The following LRRIQ3 variants were observed in gnomAD, a reference collection of about 807,000 sequenced individuals.
LRRIQ3 encodes the protein leucine-rich repeat and IQ domain-containing protein 3.
In LRRIQ3, 75 loss-of-function variants were observed where a neutral mutation model predicts 59.3. The observed-to-expected ratio is 1.26, with a 90% CI of 1.05 to 1.53. LRRIQ3 has a LOEUF of 1.53. Among genes scored for constraint, LRRIQ3 ranks in the 40% most tolerant of loss-of-function variants. The pLI is 0.00. For missense variants in LRRIQ3, 831 were observed against 710.0 expected, an observed-to-expected ratio of 1.17 and a Z score of -1.94; for synonymous variants, 250 against 231.3, an observed-to-expected ratio of 1.08 and a Z score of -0.73.
At chr1:74,119,401 G>C (rs562744835) in intron 4 of LRRIQ3, among the ~76,000 whole-genome samples, 23 of 151,434 alleles carry the variant, frequency 1.5e-4, no homozygotes, top group African/African-American at 5.6e-4. Flanking sequence ...ATTTTTCTTT[G>C]CTCGACTACT....
intron 6 of LRRIQ3, among the ~76,000 whole-genome samples, chr1:74,064,114 TATA>T (rs1437857586): frequency 6.6e-6 from 1 of 151,876 alleles, no homozygotes; most frequent in Non-Finnish European, 1.5e-5. Context: ...AGATACTATA[TATA>T]ATGTATAATG....
intron 5 of LRRIQ3, among the ~76,000 whole-genome samples, chr1:74,076,216 A>G (rs1646208346): frequency 6.6e-6 from 1 of 152,156 alleles, no homozygotes; most frequent in Non-Finnish European, 1.5e-5. Context: ...GGTAAGAAAC[A>G]CTGATCTGAC....
At chr1:74,069,729 G>T (rs914399725) in intron 6 of LRRIQ3, among the ~76,000 whole-genome samples, 5 of 151,950 alleles carry the variant, frequency 3.3e-5, no homozygotes, top group African/African-American at 4.8e-5. Context: ...CTACAAGTAG[G>T]TGCATGGAGA....
chr1:74,094,495 C>T (rs886295759), intron 5 of LRRIQ3, among the ~76,000 whole-genome samples: 1 of 152,002 alleles, frequency 6.6e-6, no homozygotes, highest in African/African-American at 2.4e-5. Flanking sequence ...AGAAACTAGA[C>T]TAGGCAAGAA....
intron 5 of LRRIQ3, among the ~76,000 whole-genome samples, chr1:74,076,376 A>T (rs976819168): frequency 6.6e-6 from 1 of 152,194 alleles, no homozygotes; most frequent in Non-Finnish European, 1.5e-5. Context: ...CAAAACAACC[A>T]TAAACTGAGC....
At chr1:74,117,516 A>G (rs1395771742) in intron 4 of LRRIQ3, among the ~76,000 whole-genome samples, 1 of 152,234 alleles carries the variant, frequency 6.6e-6, no homozygotes, top group Non-Finnish European at 1.5e-5. Context: ...CTGTAATCCC[A>G]GAACTTTCGG....
intron 5 of LRRIQ3, among the ~76,000 whole-genome samples, chr1:74,099,531 A>G (rs1387792564): frequency 6.6e-6 from 1 of 152,194 alleles, no homozygotes; most frequent in African/African-American, 2.4e-5. Context: ...ATAGAAGAAG[A>G]GGGAATCCTC....
At chr1:74,029,590 C>T (rs190170842) in intron 7 of LRRIQ3, among the ~76,000 whole-genome samples, 6 of 152,110 alleles carry the variant, frequency 3.9e-5, no homozygotes, top group Admixed American at 3.9e-4. Context: ...TACTGCTGGA[C>T]TTGGTATGCC....
intron 5 of LRRIQ3, among the ~76,000 whole-genome samples, chr1:74,095,600 A>T (rs1237408641): frequency 6.6e-6 from 1 of 152,172 alleles, no homozygotes; most frequent in Non-Finnish European, 1.5e-5. Flanking sequence ...TACATTAAGC[A>T]CAGGAATTCT....
At chr1:74,147,866 A>C (rs1647677924) in intron 4 of LRRIQ3, among the ~76,000 whole-genome samples, 1 of 152,222 alleles carries the variant, frequency 6.6e-6, no homozygotes, top group African/African-American at 2.4e-5. Context: ...TATTTCATTA[A>C]ATAGGTTTTC....
chr1:74,132,199 A>ATTGTAGTTTGT (rs1647034369), intron 4 of LRRIQ3, among the ~76,000 whole-genome samples: 2 of 152,082 alleles, frequency 1.3e-5, no homozygotes, highest in African/African-American at 4.8e-5. Flanking sequence ...GAGAACTACA[A>ATTGTAGTTTGT]ACGACTGATC....
intron 3 of LRRIQ3, 128 bp from the exon 4 acceptor site, chr1:74,155,994 T>C (rs141173168): frequency 3.7e-6 from 2 of 543,732 alleles, no homozygotes; most frequent in African/African-American, 2.0e-5. Context: ...ACAGGCATTA[T>C]AGTTAAATTA....
intron 6 of LRRIQ3, among the ~76,000 whole-genome samples, chr1:74,044,286 G>C (rs956277827): frequency 1.1e-4 from 17 of 152,064 alleles, no homozygotes; most frequent in Non-Finnish European, 1.2e-4. Flanking sequence ...CCCAATGTTG[G>C]ATATTGGGCC....
At chr1:74,106,205 T>C (rs981483497) in intron 5 of LRRIQ3, among the ~76,000 whole-genome samples, 3 of 152,026 alleles carry the variant, frequency 2.0e-5, no homozygotes, top group African/African-American at 7.2e-5. Flanking sequence ...TCAAAAAAGA[T>C]AGAAATTCAC....
intron 7 of LRRIQ3, among the ~76,000 whole-genome samples, chr1:74,035,158 T>C (rs1004934416): frequency 6.6e-6 from 1 of 152,094 alleles, no homozygotes; most frequent in Non-Finnish European, 1.5e-5. Context: ...TTTATAGAGA[T>C]ATAAATAATT....
In LRRIQ3 at chr1:74,165,946, A is replaced by G. The variant is rs553355565; in HGVS notation, c.574-10080T>C. ...TTGATCATAGTATATATTTTTATAT[A>G]CTGCTGAATTGTATTCGCTAATATT... is the stretch of plus-strand genomic sequence containing the variant. On this transcript the variant is annotated intron_variant, in intron 3 of 7. Transcript: ENST00000354431. Among the ~76,000 whole-genome samples the G allele has an allele frequency of 4.0e-5, 6 of 151,734 alleles. No homozygotes were observed. The East Asian group carries it at 9.7e-4, about 24-fold the overall frequency.
chr1:74,095,358 A>G (rs1159923301), intron 5 of LRRIQ3, among the ~76,000 whole-genome samples: 1 of 152,146 alleles, frequency 6.6e-6, no homozygotes, highest in Non-Finnish European at 1.5e-5. Context: ...ATTACTCCCA[A>G]TTCTAACTAT....
In LRRIQ3 at chr1:74,092,825, T is replaced by C. The variant is rs1646409535; in HGVS notation, c.867+16569A>G. Reference sequence around the variant, plus strand: ...GTTCCTCAAATTGAAGCGGTTACAATAGGGGACTTCAAAGTAGAAATAAGA... The same window carrying C: ...GTTCCTCAAATTGAAGCGGTTACAACAGGGGACTTCAAAGTAGAAATAAGA... On this transcript the variant is annotated intron_variant, in intron 5 of 7. Transcript: ENST00000354431. Among the ~76,000 whole-genome samples the C allele has an allele frequency of 2.6e-5, 4 of 151,994 alleles. No homozygotes were observed. In the South Asian group the frequency reaches 8.3e-4, roughly 32 times the overall value.
chr1:74,193,458 A>T (rs1289484551), intron 1 of LRRIQ3, among the ~76,000 whole-genome samples: 1 of 152,036 alleles, frequency 6.6e-6, no homozygotes, highest in Non-Finnish European at 1.5e-5. Flanking sequence ...GTTATATCTC[A>T]TCTTCACACC....
Sources: allele counts gnomAD v4.1 joint callset (sites outside exome capture counted in the v4.1 genomes callset), GRCh38; gene constraint gnomAD v4.1.1; transcripts MANE v1.5; gene names NCBI Gene and HGNC (gene_info 2026-07-23, HGNC 2026-07-21).